UGT2A2: variants seen among roughly 807,000 people sequenced by gnomAD.
UGT2A2 encodes UDP-glucuronosyltransferase 2A2.
UGT2A2 carries 60 observed loss-of-function variants against 50.7 expected under a neutral mutation model. That is an observed-to-expected ratio of 1.18 (90% CI 0.96 to 1.47). The LOEUF is 1.47. UGT2A2 is among the 40% of genes most tolerant of loss of function. The pLI is 0.00. For missense variants in UGT2A2, 762 were observed against 634.0 expected (o/e 1.20, Z -2.17); for synonymous variants, 242 against 214.6 (o/e 1.13, Z -1.11).
At chr4:69,594,845 C>T in intron 4 of UGT2A2, 149 bp from the exon 5 acceptor site, 1 of 1,066,494 alleles carries the variant, frequency 9.4e-7, no homozygotes. Flanking sequence ...ATTGGAATGT[C>T]AGAAAACTGT....
At chr4:69,596,011 T>C (rs191804735) in intron 3 of UGT2A2, among the ~76,000 whole-genome samples, 29 of 152,290 alleles carry the variant, frequency 1.9e-4, no homozygotes, top group Non-Finnish European at 3.1e-4. Flanking sequence ...TCTATTCCAT[T>C]AAAAATAAAT....
intron 1 of UGT2A2, among the ~76,000 whole-genome samples, chr4:69,628,489 A>G (rs1164576830): frequency 6.6e-6 from 1 of 151,722 alleles, no homozygotes; most frequent in Non-Finnish European, 1.5e-5. Flanking sequence ...TCAAGAATAT[A>G]CGATGAACAA....
chr4:69,629,605 TC>T (rs1721274672), intron 1 of UGT2A2, among the ~76,000 whole-genome samples: 1 of 152,028 alleles, frequency 6.6e-6, no homozygotes, highest in African/African-American at 2.4e-5. Flanking sequence ...ACCCAAGACA[TC>T]AAGGTTCAGG....
At chr4:69,634,142 G>A (rs1221692717) in intron 1 of UGT2A2, among the ~76,000 whole-genome samples, 1 of 152,070 alleles carries the variant, frequency 6.6e-6, no homozygotes, top group African/African-American at 2.4e-5. Flanking sequence ...CTACTCCGGA[G>A]GCTGAGGCAG....
At position 69,603,464 on chromosome 4, in the gene UGT2A2, G is replaced by C. The variant is rs1007965450; in HGVS notation, c.743-4070C>G. 2.0e-4 allele frequency: 27 copies of C among 136,482 alleles called. 7 individuals are homozygous for C. The highest frequency in any genetic ancestry group is 4.1e-4 in the Non-Finnish European group (26 of 64,158). The allele number at this position is 136,482 out of a possible 1,614,324, so 8.5% of individuals were successfully genotyped here. ...AAGGTAGATAAAACCACAAAGATAG[G>C]GAAAAAACAGAGCAGAAAAACTGGA... On this transcript the variant is annotated intron_variant, in intron 1 of 5. Transcript: ENST00000604629.
In UGT2A2 at chr4:69,639,361, A is replaced by G. The variant is rs1234966774; in HGVS notation, c.280T>C (p.Ser94Pro). 1 of 1,613,700 alleles carries G rather than the reference A, an allele frequency of 6.2e-7. No individual in the cohort carries two copies. The highest frequency in any genetic ancestry group is 1.1e-5 in the South Asian group (1 of 91,042). ...PVSYKKSNID[S>P]LIEHMIMLWI... is the part of the protein sequence containing the mutation. The stretch of plus-strand genomic sequence containing the variant: ...AGCATTATCATATGCTCAATTAAGG[A>G]ATCTATATTGCTCTTCTTGTAGGAA... The change falls in exon 1 of 6, where the codon TCC (serine) becomes CCC (proline). Residue 94 changes from serine (S) to proline (P), a missense_variant. Physicochemically the swap from Ser to Pro is moderately conservative, Grantham distance 74. Transcript: ENST00000604629.
At chr4:69,617,213 T>C (rs956958664) in intron 1 of UGT2A2, among the ~76,000 whole-genome samples, 23 of 151,908 alleles carry the variant, frequency 1.5e-4, no homozygotes, top group African/African-American at 5.1e-4. Context: ...ATGTAGTCCT[T>C]AGGTTAAAGT....
rs1207373012 is a variant in UGT2A2 at position 69,589,333 on chromosome 4, C to T, written c.*39G>A. The T allele has an allele frequency of 3.2e-6, 5 of 1,539,360 alleles. No homozygotes were observed. The highest frequency in any genetic ancestry group is 1.3e-5 in the South Asian group (1 of 79,426). On this transcript the variant is annotated 3_prime_UTR_variant, in exon 6 of 6. Coordinates refer to ENST00000604629, the MANE Select transcript of UGT2A2 (RefSeq NM_001105677.2). ...TAGGACTACACTACTCAGGATTTTG[C>T]CAAACTTAAAAATATATATATTTCC...
chr4:69,634,016 C>T (rs1199287771), intron 1 of UGT2A2, among the ~76,000 whole-genome samples: 2 of 151,956 alleles, frequency 1.3e-5, no homozygotes, highest in African/African-American at 2.4e-5. Flanking sequence ...GAGGCCGAGG[C>T]GGGCGGATCA....
chr4:69,605,047 A>T lies in UGT2A2; in HGVS notation c.743-5653T>A, dbSNP rs2109902434. Among the ~76,000 whole-genome samples, 2 of 136,800 alleles carry T rather than the reference A, an allele frequency of 1.5e-5. 1 individual carries two copies. Among genetic ancestry groups the T allele is most frequent in the South Asian group, 4.8e-4 (2 of 4,170 alleles). 89.7% of individuals were successfully genotyped at this position (136,800 alleles called of 152,430 possible). A position where few individuals can be genotyped will look rare whatever the true frequency, so the allele number is the denominator to read the frequency against. ...AGATAACAAGTATATCCAGGAATTG[A>T]ACTCAGCTCTGCACCAAGTAGACCT... On this transcript the variant is annotated intron_variant, in intron 1 of 5. Transcript: ENST00000604629.
At chr4:69,595,339 T>TCACGCCTGTAGTCCC in intron 3 of UGT2A2, 90 bp from the exon 4 acceptor site, 1 of 1,461,592 alleles carries the variant, frequency 6.8e-7, no homozygotes, top group Non-Finnish European at 9.4e-7. Context: ...TTTAGCCAGC[T>TCACGCCTGTAGTCCC]ACTTGGAAGA....
At chr4:69,596,444 T>C in intron 2 of UGT2A2, 63 bp from the exon 3 acceptor site, 1 of 1,420,982 alleles carries the variant, frequency 7.0e-7, no homozygotes, top group Non-Finnish European at 9.3e-7. Context: ...TAAGTTTACT[T>C]ACACATTTAA....
chr4:69,635,363 G>A (rs1293053142), intron 1 of UGT2A2, among the ~76,000 whole-genome samples: 1 of 152,148 alleles, frequency 6.6e-6, no homozygotes, highest in East Asian at 1.9e-4. Context: ...AAACCCAAAA[G>A]ACACATGCAA....
chr4:69,588,567 A>T lies in UGT2A2; in HGVS notation c.*805T>A, dbSNP rs546638333. 5.9e-5 allele frequency: 9 copies of T among 152,132 alleles called. No individual in the cohort carries two copies. Among genetic ancestry groups the T allele is most frequent in the Non-Finnish European group, 1.2e-4 (8 of 68,002 alleles). 9.4% of individuals were successfully genotyped at this position (152,132 alleles called of 1,614,324 possible). ...TTGTACAGTTGACTAAAAATTTTAT[A>T]AAAATGATAATTATTTTCTAGATTT... On this transcript the variant is annotated 3_prime_UTR_variant, in exon 6 of 6. Coordinates refer to ENST00000604629, the MANE Select transcript of UGT2A2 (RefSeq NM_001105677.2).
chr4:69,593,685 T>C (rs1718716933), intron 5 of UGT2A2, among the ~76,000 whole-genome samples: 1 of 151,678 alleles, frequency 6.6e-6, no homozygotes, highest in Admixed American at 6.6e-5. Context: ...ATAGTACAAA[T>C]CAATATTTAA....
intron 2 of UGT2A2, among the ~76,000 whole-genome samples, chr4:69,596,998 A>G (rs1343829458): frequency 2.0e-5 from 3 of 152,218 alleles, no homozygotes; most frequent in African/African-American, 7.2e-5. Flanking sequence ...TAACCAATCA[A>G]CAGGGTTGTT....
intron 5 of UGT2A2, among the ~76,000 whole-genome samples, chr4:69,590,778 A>G (rs181302733): frequency 4.6e-4 from 70 of 152,284 alleles, no homozygotes; most frequent in African/African-American, 1.6e-3. Flanking sequence ...TAAGAAGAAG[A>G]AAGCATGTTT....
chr4:69,616,292 A>G (rs13120401), intron 1 of UGT2A2, among the ~76,000 whole-genome samples: 6,438 of 152,066 alleles, frequency 0.042, 191 homozygotes, highest in Middle Eastern at 0.11. Context: ...AAATATAGTT[A>G]GAATGAAAAA....
chr4:69,618,827 T>C (rs1720566535), intron 1 of UGT2A2, among the ~76,000 whole-genome samples: 2 of 151,828 alleles, frequency 1.3e-5, no homozygotes, highest in Non-Finnish European at 2.9e-5. Context: ...GAAACAACTA[T>C]TAAATGACAA....
Sources: allele counts gnomAD v4.1 joint callset (sites outside exome capture counted in the v4.1 genomes callset), GRCh38; gene constraint gnomAD v4.1.1; transcripts MANE v1.5; gene names NCBI Gene and HGNC (gene_info 2026-07-23, HGNC 2026-07-21).